ARHGAP25: variants seen among roughly 807,000 people sequenced by gnomAD.
ARHGAP25 encodes Rho GTPase activating protein 25, also known as rho GTPase-activating protein 25.
In ARHGAP25, 34 loss-of-function variants were observed where a neutral mutation model predicts 71.0. The observed-to-expected ratio is 0.48, with a 90% CI of 0.36 to 0.64. The LOEUF is 0.64. ARHGAP25 is among the 30% of genes least tolerant of loss of function. ARHGAP25 has a pLI of 0.00. For missense variants in ARHGAP25, 706 were observed against 805.1 expected, an observed-to-expected ratio of 0.88 and a Z score of 1.49; for synonymous variants, 282 against 296.5, an observed-to-expected ratio of 0.95 and a Z score of 0.50.
At chr2:68,744,862 A>C (rs1038843079) in intron 1 of ARHGAP25, among the ~76,000 whole-genome samples, 1 of 152,206 alleles carries the variant, frequency 6.6e-6, no homozygotes, top group African/African-American at 2.4e-5. Flanking sequence ...TCTGGCCAGC[A>C]CAAAATTATC....
In ARHGAP25 at chr2:68,735,155, A is replaced by G. The variant is rs1675138058; in HGVS notation, c.-45A>G. 3 of 1,528,136 alleles carry G rather than the reference A, an allele frequency of 2.0e-6. No homozygotes were observed. Among genetic ancestry groups the G allele is most frequent in the South Asian group, 1.1e-5 (1 of 89,368 alleles). The allele number at this position is 1,528,136 out of a possible 1,614,324, so 94.7% of individuals were successfully genotyped here. A position where few individuals can be genotyped will look rare whatever the true frequency, so the allele number is the denominator to read the frequency against. ...AAAGACAAGAAGGGCGCAAACTGTG[A>G]CAGACTCACCGCTTCACTAACTACT... is the stretch of plus-strand genomic sequence containing the variant. On this transcript the variant is annotated 5_prime_UTR_variant, in exon 1 of 11. Coordinates refer to ENST00000409202, the MANE Select transcript of ARHGAP25 (RefSeq NM_001007231.3).
intron 8 of ARHGAP25, among the ~76,000 whole-genome samples, chr2:68,818,293 T>C (rs1196334499): frequency 6.6e-6 from 1 of 152,188 alleles, no homozygotes; most frequent in African/African-American, 2.4e-5. Flanking sequence ...CTTAGCCAGA[T>C]TGAGCAAGCA....
Position 68,822,550 on chromosome 2 carries a change from T to C in ARHGAP25, c.1411T>C (p.Trp471Arg). The stretch of plus-strand genomic sequence containing the variant: ...AATGGAGATCTTTAAAAATGAATTC[T>C]GGTCGCCTTCCTCAGAGGCTAAGGC... ...SKMEIFKNEFWSPSSEAKAGE... is the reference protein window; with the variant it reads ...SKMEIFKNEFRSPSSEAKAGE... Residue 471 changes from tryptophan to arginine, a missense_variant, in exon 10 of 11, where the codon TGG becomes CGG. Trp to Arg is a moderately radical substitution (Grantham distance 101). Coordinates refer to ENST00000409202, the MANE Select transcript of ARHGAP25 (RefSeq NM_001007231.3). 6.2e-7 allele frequency: 1 copy of C among 1,614,208 alleles called. No homozygotes were observed. The highest frequency in any genetic ancestry group is 8.5e-7 in the Non-Finnish European group (1 of 1,180,028).
chr2:68,780,609 C>A (rs537001506), intron 2 of ARHGAP25, among the ~76,000 whole-genome samples: 7 of 152,036 alleles, frequency 4.6e-5, no homozygotes, highest in Non-Finnish European at 1.0e-4. Flanking sequence ...CTTCCCCCTT[C>A]TCCCCTTCCT....
Position 68,767,599 on chromosome 2 carries a change from ACTCT to A in ARHGAP25, c.62-7616_62-7613del. On this transcript the variant is annotated intron_variant, in intron 1 of 10. Transcript: ENST00000409202. The surrounding 1 kb of genome is among the most constrained non-coding windows in gnomAD (Gnocchi z 4.6). ...CTGCCGGCCCACGGTAGCTTAGCTC[ACTCT>A]CTCTCCCTCCCATGCCTCGGCCACG... Among the ~76,000 whole-genome samples the A allele has an allele frequency of 6.6e-6, 1 of 151,288 alleles. No homozygotes were observed. The highest frequency in any genetic ancestry group is 1.5e-5 in the Non-Finnish European group (1 of 67,828).
chr2:68,756,679 C>A (rs141768732), intron 1 of ARHGAP25, among the ~76,000 whole-genome samples: 86 of 152,236 alleles, frequency 5.6e-4, no homozygotes, highest in African/African-American at 1.9e-3. Flanking sequence ...TCCAGCAAAT[C>A]CTTGAGGAAG....
rs760708877 is a variant in ARHGAP25 at position 68,813,290 on chromosome 2, C to T, written c.678C>T (p.Asp226=). The change falls in exon 6 of 11, where the codon GAC becomes GAT. Residue 226 remains aspartate, a synonymous_variant. Coordinates refer to ENST00000409202, the MANE Select transcript of ARHGAP25 (RefSeq NM_001007231.3). ...AGCGTTGCTTATTTTCTTCCAGAGACACAGATGTGCACACTGTGGCTTCCC... is the reference window on the plus strand; with the variant it reads ...AGCGTTGCTTATTTTCTTCCAGAGATACAGATGTGCACACTGTGGCTTCCC... ...DAGERPSFDR[D]TDVHTVASLL... The T allele has an allele frequency of 3.1e-6, 5 of 1,606,988 alleles. No individual in the cohort carries two copies. The African/African-American group carries it at 6.7e-5, about 22-fold the overall frequency.
intron 2 of ARHGAP25, among the ~76,000 whole-genome samples, chr2:68,779,969 T>C (rs1678204028): frequency 6.6e-6 from 1 of 152,272 alleles, no homozygotes; most frequent in Non-Finnish European, 1.5e-5. Flanking sequence ...GTTACTTCTC[T>C]CAGCAAGTGG....
At chr2:68,770,591 C>T (rs1365163376) in intron 1 of ARHGAP25, among the ~76,000 whole-genome samples, 3 of 152,198 alleles carry the variant, frequency 2.0e-5, no homozygotes, top group East Asian at 3.9e-4. Context: ...TTCCTTTGCC[C>T]CATCTTGGGG....
chr2:68,755,434 T>C lies in ARHGAP25; in HGVS notation c.62-19787T>C, dbSNP rs80042372. ...CAGAACACTCCAAAATAAAAAAATA[T>C]ATATCATACTGGATTCTCTTTTTCA... On this transcript the variant is annotated intron_variant, in intron 1 of 10. Transcript: ENST00000409202. Among the ~76,000 whole-genome samples the C allele has an allele frequency of 1.6e-3, 237 of 152,284 alleles. 4 individuals carry two copies. The highest frequency in any genetic ancestry group is 5.6e-3 in the African/African-American group (233 of 41,542).
At chr2:68,724,627 A>T (rs1042711642) in intron 2 of ARHGAP25, among the ~76,000 whole-genome samples, 1 of 152,214 alleles carries the variant, frequency 6.6e-6, no homozygotes. Flanking sequence ...CCTCTGCCCT[A>T]AACACCAGAC....
chr2:68,749,981 C>T (rs1676058047), intron 1 of ARHGAP25, among the ~76,000 whole-genome samples: 1 of 152,144 alleles, frequency 6.6e-6, no homozygotes, highest in Non-Finnish European at 1.5e-5. Context: ...TTCCAGAGTA[C>T]AGCTTTGAGT....
intron 1 of ARHGAP25, among the ~76,000 whole-genome samples, chr2:68,752,485 G>C (rs974724971): frequency 6.6e-6 from 1 of 152,128 alleles, no homozygotes; most frequent in Non-Finnish European, 1.5e-5. Context: ...CCTCCTTAGG[G>C]CTGTTTTCCC....
chr2:68,769,785 A>G lies in ARHGAP25; in HGVS notation c.62-5436A>G, dbSNP rs191437712. The stretch of plus-strand genomic sequence containing the variant: ...AAGTAAGAGTTTTCCAAGAGGTCAA[A>G]TTGGATGTAGGTGGGGGTGGGTAGG... On this transcript the variant is annotated intron_variant, in intron 1 of 10. Coordinates refer to ENST00000409202, the MANE Select transcript of ARHGAP25 (RefSeq NM_001007231.3). Among the ~76,000 whole-genome samples, 336 of 138,180 alleles carry G rather than the reference A, an allele frequency of 2.4e-3. 6 individuals are homozygous for G. Among genetic ancestry groups the G allele is most frequent in the Admixed American group, 0.022 (305 of 13,958 alleles). 90.7% of individuals were successfully genotyped at this position (138,180 alleles called of 152,430 possible).
chr2:68,781,067 A>G (rs192488769), intron 2 of ARHGAP25, among the ~76,000 whole-genome samples: 1 of 152,290 alleles, frequency 6.6e-6, no homozygotes, highest in East Asian at 1.9e-4. Context: ...TGCTCTGGAT[A>G]TGGAGTTGTT....
intron 4 of ARHGAP25, among the ~76,000 whole-genome samples, chr2:68,798,653 A>G (rs537776842): frequency 1.3e-5 from 2 of 152,370 alleles, no homozygotes; most frequent in South Asian, 2.1e-4. Context: ...ACATGACACT[A>G]TATGAGGAAA....
intron 4 of ARHGAP25, among the ~76,000 whole-genome samples, chr2:68,799,361 A>G (rs530171708): frequency 6.6e-6 from 1 of 152,216 alleles, no homozygotes; most frequent in Middle Eastern, 3.4e-3. Flanking sequence ...TTGCTGCACT[A>G]TTTACTGTAT....
chr2:68,725,670 G>T (rs1322089612), intron 2 of ARHGAP25, among the ~76,000 whole-genome samples: 1 of 152,140 alleles, frequency 6.6e-6, no homozygotes, highest in Non-Finnish European at 1.5e-5. Flanking sequence ...CTCCTCTGCT[G>T]TAAACCTCAC....
chr2:68,721,777 C>A lies in ARHGAP25; in HGVS notation c.-18+11079C>A, dbSNP rs537622391. Reference sequence around the variant, plus strand: ...GTTCTCCAGCTGTTGTATTGGATTTCCTCTCACAGAAACCTAAGGTCGACA... The same window carrying A: ...GTTCTCCAGCTGTTGTATTGGATTTACTCTCACAGAAACCTAAGGTCGACA... On this transcript the variant is annotated intron_variant and NMD_transcript_variant, in intron 2 of 7. Transcript: ENST00000463483. 7.2e-5 allele frequency among the ~76,000 whole-genome samples: 11 copies of A among 152,322 alleles called. No homozygotes were observed. The East Asian group carries it at 1.9e-3, about 27-fold the overall frequency.
Sources: allele counts gnomAD v4.1 joint callset (sites outside exome capture counted in the v4.1 genomes callset), GRCh38; gene constraint gnomAD v4.1.1; non-coding constraint Gnocchi (gnomAD v3.1); transcripts MANE v1.5; gene names NCBI Gene and HGNC (gene_info 2026-07-23, HGNC 2026-07-21).